IMMP2L: variants seen among roughly 807,000 people sequenced by gnomAD.
The protein encoded by IMMP2L is mitochondrial inner membrane protease subunit 2.
A neutral mutation model predicts 19.3 loss-of-function variants in IMMP2L; 18 were observed. The ratio of observed to expected loss-of-function variants is 0.93; its 90% CI spans 0.64 to 1.38. IMMP2L has a LOEUF of 1.38. Among genes scored for constraint, IMMP2L ranks in the 40% most tolerant of loss-of-function variants. IMMP2L has a pLI of 0.00. For synonymous variants in IMMP2L, 76 were observed against 73.0 expected (o/e 1.04, Z -0.21); for missense variants, 233 against 218.2 (o/e 1.07, Z -0.43).
At chr7:110,909,915 A>G (rs1812869390) in intron 4 of IMMP2L, among the ~76,000 whole-genome samples, 1 of 149,912 alleles carries the variant, frequency 6.7e-6, no homozygotes, top group Admixed American at 6.6e-5. Flanking sequence ...AGAAAGAGAG[A>G]GAGAGATAGA....
intron 5 of IMMP2L, among the ~76,000 whole-genome samples, chr7:110,734,156 AG>A (rs1306099431): frequency 6.6e-6 from 1 of 152,206 alleles, no homozygotes; most frequent in African/African-American, 2.4e-5. Context: ...AGGGGCATTG[AG>A]GGCAATACTG....
intron 5 of IMMP2L, among the ~76,000 whole-genome samples, chr7:110,695,727 A>C (rs1793833302): frequency 1.3e-5 from 2 of 152,266 alleles, no homozygotes; most frequent in African/African-American, 4.8e-5. Flanking sequence ...GTGCTTCCTG[A>C]GACTAATAGT....
intron 3 of IMMP2L, among the ~76,000 whole-genome samples, chr7:111,334,270 T>C (rs926774693): frequency 4.6e-5 from 7 of 152,060 alleles, no homozygotes; most frequent in Admixed American, 6.6e-5. Context: ...CTCTGTGTTC[T>C]TGACAGTCAC....
intron 1 of IMMP2L, among the ~76,000 whole-genome samples, chr7:111,522,858 C>A (rs1334885207): frequency 2.0e-5 from 3 of 149,824 alleles, no homozygotes; most frequent in African/African-American, 7.5e-5. Flanking sequence ...GCACTATTCA[C>A]AATAGCCAAG....
At chr7:111,306,093 A>G (rs1420313917) in intron 3 of IMMP2L, among the ~76,000 whole-genome samples, 1 of 152,198 alleles carries the variant, frequency 6.6e-6, no homozygotes, top group African/African-American at 2.4e-5. Flanking sequence ...TGCAATGACT[A>G]TCTTTTCCTC....
intron 4 of IMMP2L, among the ~76,000 whole-genome samples, chr7:110,906,170 GT>G (rs1812431543): frequency 6.6e-6 from 1 of 152,066 alleles, no homozygotes; most frequent in African/African-American, 2.4e-5. Context: ...ACATTTGGCT[GT>G]TTTTTTCTTA....
Position 110,803,249 on chromosome 7 carries a change from T to C in IMMP2L, c.408+83344A>G, listed in dbSNP as rs570560508. 5.7e-4 allele frequency among the ~76,000 whole-genome samples: 87 copies of C among 152,080 alleles called. No homozygotes were observed. The highest frequency in any genetic ancestry group is 1.7e-3 in the African/African-American group (72 of 41,532). ...TGTGTAGGGGATGGTGAGGATCAGA[T>C]AGACCAAAGAAGAGAGGGTTAGGAA... On this transcript the variant is annotated intron_variant, in intron 5 of 5. Transcript: ENST00000405709. This position sits in a 1 kb window ranked among gnomAD's most constrained non-coding sequence, Gnocchi z 4.2.
chr7:111,427,002 C>T (rs1836142602), intron 3 of IMMP2L, among the ~76,000 whole-genome samples: 1 of 151,186 alleles, frequency 6.6e-6, no homozygotes, highest in Admixed American at 6.6e-5. Context: ...AGTCCTAACT[C>T]ATAGTCTCAT....
chr7:111,250,371 C>A (rs1002389806), intron 3 of IMMP2L, among the ~76,000 whole-genome samples: 13 of 152,130 alleles, frequency 8.5e-5, no homozygotes, highest in Non-Finnish European at 1.6e-4. Context: ...ACTAAACGAC[C>A]ATTGACGTTT....
chr7:110,672,922 G>T (rs948288973), intron 5 of IMMP2L, among the ~76,000 whole-genome samples: 2 of 152,180 alleles, frequency 1.3e-5, no homozygotes, highest in African/African-American at 4.8e-5. Context: ...AATGCAAGCT[G>T]TCAGTGGATC....
chr7:111,377,283 T>C (rs1262068128), intron 3 of IMMP2L, among the ~76,000 whole-genome samples: 1 of 151,852 alleles, frequency 6.6e-6, no homozygotes, highest in Non-Finnish European at 1.5e-5. Flanking sequence ...GTGTATGCGT[T>C]CATATATATA....
At chr7:111,549,097 AT>A (rs1255776367) in intron 1 of IMMP2L, among the ~76,000 whole-genome samples, 1 of 152,100 alleles carries the variant, frequency 6.6e-6, no homozygotes. Flanking sequence ...AAATACAGTC[AT>A]TTTTTTCTCA....
intron 3 of IMMP2L, among the ~76,000 whole-genome samples, chr7:111,178,818 T>C (rs1367667404): frequency 6.6e-6 from 1 of 152,102 alleles, no homozygotes; most frequent in Non-Finnish European, 1.5e-5. Flanking sequence ...CTGTAGTTAC[T>C]CTCTCCACTT....
At chr7:110,966,676 A>T (rs2129555991) in intron 3 of IMMP2L, among the ~76,000 whole-genome samples, 1 of 152,208 alleles carries the variant, frequency 6.6e-6, no homozygotes, top group African/African-American at 2.4e-5. Flanking sequence ...ATGTAATATT[A>T]AACTCATGAA....
intron 3 of IMMP2L, among the ~76,000 whole-genome samples, chr7:111,367,699 C>G (rs1829907457): frequency 6.6e-6 from 1 of 151,870 alleles, no homozygotes; most frequent in Admixed American, 6.6e-5. Context: ...AGTAACCTGT[C>G]CAAAGCCACA....
intron 1 of IMMP2L, among the ~76,000 whole-genome samples, chr7:111,523,123 T>C (rs367885978): frequency 3.7e-4 from 56 of 151,740 alleles, no homozygotes; most frequent in African/African-American, 1.3e-3. Context: ...GGTGGGGTAG[T>C]TAGTGGGGAG....
At chr7:111,058,514 C>T (rs895929667) in intron 3 of IMMP2L, among the ~76,000 whole-genome samples, 1 of 152,134 alleles carries the variant, frequency 6.6e-6, no homozygotes, top group African/African-American at 2.4e-5. Flanking sequence ...ACAAATAACA[C>T]AATTAAAGAG....
At chr7:111,178,937 T>C (rs1285918112) in intron 3 of IMMP2L, among the ~76,000 whole-genome samples, 1 of 152,054 alleles carries the variant, frequency 6.6e-6, no homozygotes, top group Non-Finnish European at 1.5e-5. Flanking sequence ...ATGTTCTTAA[T>C]GGCATCTAGA....
intron 3 of IMMP2L, among the ~76,000 whole-genome samples, chr7:111,049,241 C>G (rs1466519019): frequency 6.7e-6 from 1 of 148,350 alleles, no homozygotes; most frequent in Non-Finnish European, 1.5e-5. Flanking sequence ...CGCCATTCTT[C>G]TGCCTCAGCC....
Sources: gnomAD v4.1 joint callset for allele counts (sites outside exome capture counted in the v4.1 genomes callset) on GRCh38, gnomAD v4.1.1 for gene constraint, Gnocchi (gnomAD v3.1) non-coding constraint, MANE v1.5 for transcripts, NCBI Gene and HGNC (gene_info 2026-07-23, HGNC 2026-07-21) for gene names.